The following LRP1 variants were observed in gnomAD, a reference collection of about 807,000 sequenced individuals.
LRP1 encodes LDL receptor related protein 1, also known as prolow-density lipoprotein receptor-related protein 1.
Under a neutral mutation model 541.5 loss-of-function variants are expected in LRP1, and 51 were observed. The observed-to-expected ratio is 0.09, with a 90% confidence interval of 0.08 to 0.12. The LOEUF (loss-of-function observed/expected upper bound fraction) is 0.12, where lower values mean the gene tolerates loss of function less well. LRP1 is among the 10% of genes least tolerant of loss of function. The pLI is 1.00. For missense variants in LRP1, 3,878 were observed against 6,376.2 expected, an observed-to-expected ratio of 0.61 and a Z score of 13.34; for synonymous variants, 2,219 against 2,470.8, an observed-to-expected ratio of 0.90 and a Z score of 3.02.
In LRP1 at chr12:57,177,652, G is replaced by T; in HGVS notation, c.4361+61G>T. On this transcript the variant is annotated intron_variant, in intron 26 of 88. Transcript: ENST00000243077. This position sits in a 1 kb window ranked among gnomAD's most constrained non-coding sequence, Gnocchi z 6.8. ...TGTGGCACCAGGACGGGGTGGGGAG[G>T]AACCTGTGGTGATGAGGGTGATGAG... 1 of 1,576,720 alleles carries T rather than the reference G, an allele frequency of 6.3e-7. No individual in the cohort carries two copies. Among genetic ancestry groups the T allele is most frequent in the Non-Finnish European group, 8.7e-7 (1 of 1,154,920 alleles).
intron 1 of LRP1, 161 bp downstream of exon 1, chr12:57,129,192 C>T: frequency 1.4e-6 from 1 of 731,780 alleles, no homozygotes; most frequent in Non-Finnish European, 2.3e-6. Flanking sequence ...GGATGGGGTC[C>T]GATTTGGGGG....
chr12:57,196,992 G>A lies in LRP1; in HGVS notation c.8903G>A (p.Arg2968His), dbSNP rs1190470723. Residue 2968 changes from arginine to histidine, a missense_variant, in exon 56 of 89, where the codon CGC becomes CAC. Transcript: ENST00000243077. ...TCCCTGTGCCTGCAGTGCCGCTGTC[G>A]CCCTGGCTTCCGGCTGAAGGACGAC... is the stretch of plus-strand genomic sequence containing the variant. Reference protein sequence around the residue: ...DLKIGFKCRCRPGFRLKDDGR... With the variant: ...DLKIGFKCRCHPGFRLKDDGR... 8 of 1,611,082 alleles carry A rather than the reference G, an allele frequency of 5.0e-6. No homozygotes were observed. Among genetic ancestry groups the A allele is most frequent in the African/African-American group, 2.7e-5 (2 of 74,910 alleles).
intron 19 of LRP1, among the ~76,000 whole-genome samples, chr12:57,168,783 C>T (rs917713174): frequency 3.3e-5 from 5 of 152,336 alleles, no homozygotes; most frequent in Non-Finnish European, 5.9e-5. Flanking sequence ...CCCCACCTAC[C>T]TCTCTCCCTC....
chr12:57,155,589 T>C (rs1016395090), intron 8 of LRP1: 2 of 154,356 alleles, frequency 1.3e-5, no homozygotes, highest in Admixed American at 1.3e-4. Context: ...GAGTGGGATC[T>C]TGGTAAGCAA....
At chr12:57,192,818 C>T (rs751960605) in intron 44 of LRP1, 27 bp from the exon 45 acceptor site, 7 of 1,613,906 alleles carry the variant, frequency 4.3e-6, no homozygotes, top group Admixed American at 3.3e-5. Flanking sequence ...CACTCTCCAG[C>T]CCTGCGCCCA....
At position 57,194,613 on chromosome 12, in the gene LRP1, C is replaced by G; in HGVS notation, c.8105C>G (p.Ala2702Gly). The G allele has an allele frequency of 6.2e-7, 1 of 1,611,872 alleles. No homozygotes were observed. Among genetic ancestry groups the G allele is most frequent in the East Asian group, 2.2e-5 (1 of 44,872 alleles). ...CCCAGATGCCCTCTGAATTACTTCGCCTGCCCTAGTGGGCGCTGCATCCCC... is the reference window on the plus strand; with the variant it reads ...CCCAGATGCCCTCTGAATTACTTCGGCTGCCCTAGTGGGCGCTGCATCCCC... ...KRPRCPLNYF[A>G]CPSGRCIPMS... Residue 2702 changes from alanine to glycine, a missense_variant, in exon 50 of 89, where the codon GCC becomes GGC. Transcript: ENST00000243077.
chr12:57,193,106 C>T (rs543496260), intron 45 of LRP1, 70 bp from the exon 46 acceptor site: 45 of 1,595,940 alleles, frequency 2.8e-5, no homozygotes, highest in African/African-American at 2.1e-4. Flanking sequence ...CTCAGCTCCC[C>T]GGGGGAGGAG....
chr12:57,165,755 C>G lies in LRP1; in HGVS notation c.2531-50C>G. On this transcript the variant is annotated intron_variant, in intron 15 of 88. Transcript: ENST00000243077. This position sits in a 1 kb window ranked among gnomAD's most constrained non-coding sequence, Gnocchi z 4.5. ...ATGGTGCAAAGGGCTTAGTACTTGT[C>G]CCACGACCGGGGTCTGACTTTCCCC... 1.3e-6 allele frequency: 2 copies of G among 1,591,648 alleles called. No homozygotes were observed. Among genetic ancestry groups the G allele is most frequent in the South Asian group, 1.1e-5 (1 of 90,446 alleles).
At chr12:57,133,156 A>G (rs1287197168) in intron 1 of LRP1, among the ~76,000 whole-genome samples, 1 of 152,060 alleles carries the variant, frequency 6.6e-6, no homozygotes, top group Non-Finnish European at 1.5e-5. Flanking sequence ...GTAAGGAGTG[A>G]GTCAAGAACT....
In LRP1 at chr12:57,211,754, C is replaced by T; in HGVS notation, c.13198C>T (p.Pro4400Ser). The T allele has an allele frequency of 6.2e-7, 1 of 1,613,310 alleles. No individual in the cohort carries two copies. The highest frequency in any genetic ancestry group is 8.5e-7 in the Non-Finnish European group (1 of 1,179,948). ...NSKMMPECQCPPHMTGPRCEE... is the reference protein window; with the variant it reads ...NSKMMPECQCSPHMTGPRCEE... ...CCGTGTCCCTCCTTTCTGCAGGTGC[C>T]CACCCCACATGACAGGGCCCCGGTG... The change falls in exon 86 of 89, where the codon CCA (proline) becomes TCA (serine). Residue 4400 changes from proline to serine, a missense_variant. Physicochemically the swap from Pro to Ser is moderately conservative, Grantham distance 74. Around this residue, in one of 13 missense-constraint regions of LRP1, gnomAD observed 871 missense variants for 1,212.4 expected, o/e 0.72. Coordinates refer to ENST00000243077, the MANE Select transcript of LRP1 (RefSeq NM_002332.3). The surrounding 1 kb of genome is among the most constrained non-coding windows in gnomAD (Gnocchi z 4.3).
At position 57,194,398 on chromosome 12, in the gene LRP1, G is replaced by A. The variant is rs769966821; in HGVS notation, c.7963G>A (p.Val2655Met). 81 of 1,519,260 alleles carry A rather than the reference G, an allele frequency of 5.3e-5. No homozygotes were observed. Among genetic ancestry groups the A allele is most frequent in the Non-Finnish European group, 6.3e-5 (72 of 1,134,250 alleles). 94.1% of individuals were successfully genotyped at this position (1,519,260 alleles called of 1,614,324 possible). A position where few individuals can be genotyped will look rare whatever the true frequency, so the allele number is the denominator to read the frequency against. Reference protein sequence around the residue: ...SSYFRLGVKGVLFQPCERTSL... With the variant: ...SSYFRLGVKGMLFQPCERTSL... ...CTACTTCCGCCTGGGCGTGAAGGGC[G>A]TGCTCTTCCAGCCCTGCGAGCGGAC... The change falls in exon 49 of 89, where the codon GTG (valine) becomes ATG (methionine). Residue 2655 changes from valine (V) to methionine (M), a missense_variant. Physicochemically the swap from Val to Met is conservative, Grantham distance 21. Coordinates refer to ENST00000243077, the MANE Select transcript of LRP1 (RefSeq NM_002332.3).
In LRP1 at chr12:57,158,805, T is replaced by C. The variant is rs2035673737; in HGVS notation, c.1798+167T>C. ...GATTGACCCCTGTGTGACCCCCTTCTTGGCTGAGCCAAAGAGGCAGGGTTA... is the reference window on the plus strand; with the variant it reads ...GATTGACCCCTGTGTGACCCCCTTCCTGGCTGAGCCAAAGAGGCAGGGTTA... On this transcript the variant is annotated intron_variant, in intron 11 of 88. Coordinates refer to ENST00000243077, the MANE Select transcript of LRP1 (RefSeq NM_002332.3). This position sits in a 1 kb window ranked among gnomAD's most constrained non-coding sequence, Gnocchi z 5.3. 6.6e-6 allele frequency among the ~76,000 whole-genome samples: 1 copy of C among 152,144 alleles called. No homozygotes were observed. The highest frequency in any genetic ancestry group is 1.5e-5 in the Non-Finnish European group (1 of 68,000).
At chr12:57,176,195 C>A in intron 24 of LRP1, 89 bp downstream of exon 24, 2 of 1,360,634 alleles carry the variant, frequency 1.5e-6, no homozygotes, top group South Asian at 1.3e-5. Context: ...GGCCCCAAAG[C>A]AGAGGCTTGG....
rs200384133 is a variant in LRP1 at position 57,184,317 on chromosome 12, A to G, written c.6060-9A>G. 4 of 1,613,800 alleles carry G rather than the reference A, an allele frequency of 2.5e-6. No individual in the cohort carries two copies. The South Asian group carries it at 4.4e-5, about 18-fold the overall frequency. On this transcript the variant is annotated splice_polypyrimidine_tract_variant and intron_variant, in intron 37 of 88. Transcript: ENST00000243077. This position sits in a 1 kb window ranked among gnomAD's most constrained non-coding sequence, Gnocchi z 7.8. Reference sequence around the variant, plus strand: ...AGGACTGACCCCCACTTCCACCCCCACCCTACAGGTACTTGTTCTGGACTG... The same window carrying G: ...AGGACTGACCCCCACTTCCACCCCCGCCCTACAGGTACTTGTTCTGGACTG...
chr12:57,172,420 T>C (rs988715162), intron 20 of LRP1, among the ~76,000 whole-genome samples: 1 of 152,128 alleles, frequency 6.6e-6, no homozygotes, highest in Non-Finnish European at 1.5e-5. Context: ...CCGCCCGCCT[T>C]GGCATCCCAA....
Position 57,205,264 on chromosome 12 carries a change from C to T in LRP1, c.11335+15C>T, listed in dbSNP as rs200112159. The T allele has an allele frequency of 8.8e-5, 142 of 1,604,926 alleles. No individual in the cohort carries two copies. In the African/African-American group the frequency reaches 1.5e-3, roughly 17 times the overall value. Reference sequence around the variant, plus strand: ...CTGCAGCATCGGTGAGGCCCGGCAGCGGACCGGACGCTGGTGGGGAGTGGG... The same window carrying T: ...CTGCAGCATCGGTGAGGCCCGGCAGTGGACCGGACGCTGGTGGGGAGTGGG... On this transcript the variant is annotated intron_variant, in intron 73 of 88. Coordinates refer to ENST00000243077, the MANE Select transcript of LRP1 (RefSeq NM_002332.3). The surrounding 1 kb of genome is among the most constrained non-coding windows in gnomAD (Gnocchi z 4.6).
In LRP1 at chr12:57,158,708, G is replaced by A; in HGVS notation, c.1798+70G>A. ...GGGGCCCAGGCATCTGTTTCTCGGT[G>A]CCCTCTCAGCAGGATGGTCCCCTGC... On this transcript the variant is annotated intron_variant, in intron 11 of 88. Transcript: ENST00000243077. This position sits in a 1 kb window ranked among gnomAD's most constrained non-coding sequence, Gnocchi z 5.3. 1 of 1,411,820 alleles carries A rather than the reference G, an allele frequency of 7.1e-7. No homozygotes were observed. The highest frequency in any genetic ancestry group is 9.9e-7 in the Non-Finnish European group (1 of 1,006,996). The allele number at this position is 1,411,820 out of a possible 1,614,324, so 87.5% of individuals were successfully genotyped here.
chr12:57,205,484 A>C lies in LRP1; in HGVS notation c.11469A>C (p.Gln3823His). ...FHTVPGQPGC[Q>H]DINECLRFGT... Reference sequence around the variant, plus strand: ...CCGTGCCCGGCCAGCCCGGATGCCAAGGTAGGAAAGCGGGGCAGAGCAGGG... The same window carrying C: ...CCGTGCCCGGCCAGCCCGGATGCCACGGTAGGAAAGCGGGGCAGAGCAGGG... The change falls in exon 74 of 89, where the codon CAA becomes CAC. Residue 3823 changes from glutamine to histidine, a missense_variant and splice_region_variant. This residue lies in a region of LRP1 where 871 missense variants were observed against 1,212.4 expected (regional missense o/e 0.72). Coordinates refer to ENST00000243077, the MANE Select transcript of LRP1 (RefSeq NM_002332.3). The surrounding 1 kb of genome is among the most constrained non-coding windows in gnomAD (Gnocchi z 4.6). 1.2e-6 allele frequency: 2 copies of C among 1,610,766 alleles called. No individual in the cohort carries two copies. Among genetic ancestry groups the C allele is most frequent in the South Asian group, 1.1e-5 (1 of 91,024 alleles).
rs10783814 is a variant in LRP1, at chr12:57,211,385, T to C, written c.13091+35T>C. ...GCCCTCCTCCACAGTTCCACCCAGC[T>C]GGGCCCCTGCCCTGTCCTAGCCCTG... On this transcript the variant is annotated intron_variant, in intron 84 of 88. Transcript: ENST00000243077. This position sits in a 1 kb window ranked among gnomAD's most constrained non-coding sequence, Gnocchi z 4.3. 1,609,325 of 1,611,172 alleles carry C rather than the reference T, an allele frequency of 1. 803,753 individuals are homozygous for C. The highest frequency in any genetic ancestry group is 1 in the Middle Eastern group (6,058 of 6,058).
Sources: gnomAD v4.1 joint callset for allele counts (sites outside exome capture counted in the v4.1 genomes callset) on GRCh38, gnomAD v4.1.1 for gene constraint, gnomAD v4.1.1 regional missense constraint, Gnocchi (gnomAD v3.1) non-coding constraint, MANE v1.5 for transcripts, NCBI Gene and HGNC (gene_info 2026-07-23, HGNC 2026-07-21) for gene names.